Variants in TTLL5 observed in about 807,000 individuals in gnomAD.
TTLL5 encodes tubulin tyrosine ligase like 5, also known as tubulin polyglutamylase TTLL5.
Under a neutral mutation model 168.4 loss-of-function variants are expected in TTLL5, and 132 were observed. That is an observed-to-expected ratio of 0.78 (90% confidence interval 0.68 to 0.91). The LOEUF (loss-of-function observed/expected upper bound fraction) is 0.91, where lower values mean the gene tolerates loss of function less well. Among genes scored for constraint, TTLL5 ranks in the 40% least tolerant of loss-of-function variants. The probability of loss-of-function intolerance (pLI) is 0.00; values close to 1 mark genes in which losing one functional copy is unlikely to be tolerated. For synonymous variants in TTLL5, 546 were observed against 558.6 expected (o/e 0.98, Z 0.32); for missense variants, 1,545 against 1,581.5 (o/e 0.98, Z 0.39).
Position 75,669,441 on chromosome 14 carries a change from G to A in TTLL5, c.100G>A (p.Gly34Arg). ...GGATCATCCATGCATCATGTGGACT[G>A]GAGGCTGCAGGAGAATTCCAGTTTT... ...QEDHPCIMWT[G>R]GCRRIPVLVF... is the part of the protein sequence containing the mutation. The change falls in exon 3 of 32, where the codon GGA (glycine) becomes AGA (arginine). Residue 34 changes from glycine to arginine, a missense_variant. Coordinates refer to ENST00000298832, the MANE Select transcript of TTLL5 (RefSeq NM_015072.5). 6.2e-7 allele frequency: 1 copy of A among 1,614,084 alleles called. No individual in the cohort carries two copies.
intron 12 of TTLL5, among the ~76,000 whole-genome samples, chr14:75,722,297 G>C (rs1046185804): frequency 6.6e-6 from 1 of 151,920 alleles, no homozygotes; most frequent in African/African-American, 2.4e-5. Flanking sequence ...CCAGGGTGGA[G>C]TACAGTGGCA....
intron 28 of TTLL5, among the ~76,000 whole-genome samples, chr14:75,836,254 TG>T (rs1895861501): frequency 6.6e-6 from 1 of 152,140 alleles, no homozygotes; most frequent in South Asian, 2.1e-4. Context: ...ATGATGGAAC[TG>T]GAGGTCATTA....
At chr14:75,682,900 G>T (rs752072811) in intron 4 of TTLL5, among the ~76,000 whole-genome samples, 1 of 151,758 alleles carries the variant, frequency 6.6e-6, no homozygotes, top group African/African-American at 2.4e-5. Context: ...CCAAGTAGTT[G>T]GTACTACAGG....
Position 75,813,270 on chromosome 14 carries a change from TTGTGTGTGTGTGTGTGTG to T in TTLL5, c.3172-6707_3172-6690del, listed in dbSNP as rs58821426. ...TATTATCCAGGCACTGTGTGTGTGT[TTGTGTGTGTGTGTGTGTG>T]TGTGTGTGTGTGTGTGTGTGTGTGT... is the stretch of plus-strand genomic sequence containing the variant. On this transcript the variant is annotated intron_variant, in intron 27 of 31. Coordinates refer to ENST00000298832, the MANE Select transcript of TTLL5 (RefSeq NM_015072.5). 5.7e-3 allele frequency among the ~76,000 whole-genome samples: 746 copies of T among 130,716 alleles called. 7 individuals carry two copies. The highest frequency in any genetic ancestry group is 0.016 in the African/African-American group (553 of 34,218). 85.8% of individuals were successfully genotyped at this position (130,716 alleles called of 152,430 possible).
chr14:75,881,446 C>T (rs2031808191), intron 29 of TTLL5, among the ~76,000 whole-genome samples: 1 of 152,178 alleles, frequency 6.6e-6, no homozygotes, highest in Non-Finnish European at 1.5e-5. Context: ...AGCCTACGAC[C>T]TTTGACACAT....
chr14:75,807,114 ATTTCTTTTTTACATT>A (rs1225359728), intron 27 of TTLL5, among the ~76,000 whole-genome samples: 2 of 152,170 alleles, frequency 1.3e-5, no homozygotes, highest in Non-Finnish European at 2.9e-5. Context: ...ATTGAAAAGA[ATTTCTTTTTTACATT>A]TTGTAGGTTT....
intron 31 of TTLL5, among the ~76,000 whole-genome samples, chr14:75,929,881 T>A (rs1325383361): frequency 6.6e-6 from 1 of 152,220 alleles, no homozygotes; most frequent in Non-Finnish European, 1.5e-5. Flanking sequence ...GTAATCTATA[T>A]AATCTGTCAC....
chr14:75,707,781 A>G, intron 9 of TTLL5, 74 bp downstream of exon 9: 1 of 1,231,350 alleles, frequency 8.1e-7, no homozygotes. Flanking sequence ...GGATCCATTA[A>G]CAAGTTTATT....
rs139124485 is a variant in TTLL5 at position 75,669,433 on chromosome 14, T to C, written c.92T>C (p.Met31Thr). ...CGTTATAGGGATCATCCATGCATCA[T>C]GTGGACTGGAGGCTGCAGGAGAATT... ...VISQEDHPCI[M>T]WTGGCRRIPV... The change falls in exon 3 of 32, where the codon ATG becomes ACG. Residue 31 changes from methionine (M) to threonine (T), a missense_variant. Physicochemically the swap from Met to Thr is moderately conservative, Grantham distance 81. Coordinates refer to ENST00000298832, the MANE Select transcript of TTLL5 (RefSeq NM_015072.5). The C allele has an allele frequency of 2.5e-4, 404 of 1,613,902 alleles. No individual in the cohort carries two copies. The highest frequency in any genetic ancestry group is 3.3e-4 in the Non-Finnish European group (392 of 1,179,910).
intron 3 of TTLL5, among the ~76,000 whole-genome samples, chr14:75,678,139 G>A (rs1022618810): frequency 1.3e-5 from 2 of 152,138 alleles, no homozygotes; most frequent in South Asian, 2.1e-4. Context: ...AGTGATCATG[G>A]TTATCATAAT....
At chr14:75,698,130 TC>T (rs1220541616) in intron 6 of TTLL5, among the ~76,000 whole-genome samples, 1 of 152,214 alleles carries the variant, frequency 6.6e-6, no homozygotes, top group Admixed American at 6.5e-5. Context: ...GTGCTCTCTC[TC>T]CAGTCTGGGA....
At chr14:75,752,153 T>G (rs542620269) in intron 17 of TTLL5, among the ~76,000 whole-genome samples, 1 of 152,328 alleles carries the variant, frequency 6.6e-6, no homozygotes, top group South Asian at 2.1e-4. Context: ...AGCAAGGTCT[T>G]TATGACCTGT....
intron 7 of TTLL5, among the ~76,000 whole-genome samples, chr14:75,701,063 C>T (rs979874627): frequency 6.0e-5 from 9 of 149,138 alleles, no homozygotes; most frequent in African/African-American, 9.9e-5. Flanking sequence ...AATTCTTTTC[C>T]CATCTTCTAG....
intron 6 of TTLL5, among the ~76,000 whole-genome samples, chr14:75,696,705 CA>C (rs1885901081): frequency 6.6e-6 from 1 of 152,186 alleles, no homozygotes; most frequent in Non-Finnish European, 1.5e-5. Flanking sequence ...TCTTGTTCCT[CA>C]GTCATCCCAT....
chr14:75,897,993 A>G (rs1595229439), intron 30 of TTLL5, among the ~76,000 whole-genome samples: 1 of 152,184 alleles, frequency 6.6e-6, no homozygotes. Flanking sequence ...ACTTTTGTGT[A>G]GTGTAAAGTT....
chr14:75,815,326 G>C (rs1223792641), intron 27 of TTLL5, among the ~76,000 whole-genome samples: 1 of 152,172 alleles, frequency 6.6e-6, no homozygotes, highest in Non-Finnish European at 1.5e-5. Context: ...CTCATTCCTT[G>C]TATAGTCTCT....
At chr14:75,940,989 C>T (rs1427027158) in intron 31 of TTLL5, among the ~76,000 whole-genome samples, 1 of 152,122 alleles carries the variant, frequency 6.6e-6, no homozygotes, top group South Asian at 2.1e-4. Context: ...CACTCATTTG[C>T]GAGTAGAAAG....
At chr14:75,947,739 G>A (rs1052482913) in intron 31 of TTLL5, among the ~76,000 whole-genome samples, 1 of 152,094 alleles carries the variant, frequency 6.6e-6, no homozygotes, top group East Asian at 1.9e-4. Flanking sequence ...TAGCCCAGGA[G>A]TTTGAGACCA....
At chr14:75,753,086 A>G (rs1890046431) in intron 18 of TTLL5, 131 bp downstream of exon 18, 1 of 785,116 alleles carries the variant, frequency 1.3e-6, no homozygotes, top group Non-Finnish European at 2.0e-6. Context: ...TCCTGTAGAA[A>G]GCATGCTATC....
Sources: gnomAD v4.1 joint callset for allele counts (sites outside exome capture counted in the v4.1 genomes callset) on GRCh38, gnomAD v4.1.1 for gene constraint, MANE v1.5 for transcripts, NCBI Gene and HGNC (gene_info 2026-07-23, HGNC 2026-07-21) for gene names.